Variants in CNTN6 observed in about 807,000 individuals in gnomAD.
The protein encoded by CNTN6 is contactin 6.
A neutral mutation model predicts 122.8 loss-of-function variants in CNTN6; 137 were observed. The ratio of observed to expected loss-of-function variants is 1.12; its 90% confidence interval spans 0.97 to 1.29. The LOEUF is 1.29. Among genes scored for constraint, CNTN6 ranks in the 50% most tolerant of loss-of-function variants. The pLI is 0.00. For missense variants in CNTN6, 1,634 were observed against 1,223.4 expected, an observed-to-expected ratio of 1.34 and a Z score of -5.01; for synonymous variants, 570 against 426.0, an observed-to-expected ratio of 1.34 and a Z score of -4.16.
chr3:1,246,350 T>C (rs999875719), intron 4 of CNTN6, among the ~76,000 whole-genome samples: 2 of 152,188 alleles, frequency 1.3e-5, no homozygotes, highest in African/African-American at 4.8e-5. Flanking sequence ...GTTTCTGAGA[T>C]CCTTTTATAT....
rs937673021 is a variant in CNTN6, at chr3:1,201,273, C to T, written c.56-19414C>T. The stretch of plus-strand genomic sequence containing the variant: ...CAGGAGTAAGCCGCCATGCTCAGCC[C>T]CTATTCTCTTTCTAAAAGAATCCAT... On this transcript the variant is annotated intron_variant, in intron 2 of 22. Coordinates refer to ENST00000446702, the MANE Select transcript of CNTN6 (RefSeq NM_001289080.2). Among the ~76,000 whole-genome samples the T allele has an allele frequency of 9.9e-5, 15 of 152,132 alleles. 1 individual carries two copies. The highest frequency in any genetic ancestry group is 2.1e-4 in the Non-Finnish European group (14 of 67,998).
At chr3:1,380,716 A>G (rs890384841) in intron 17 of CNTN6, among the ~76,000 whole-genome samples, 3 of 152,196 alleles carry the variant, frequency 2.0e-5, no homozygotes, top group African/African-American at 7.2e-5. Context: ...TTACAAACAT[A>G]TAGGTGTGGG....
intron 1 of CNTN6, among the ~76,000 whole-genome samples, chr3:1,114,593 T>C (rs1194763965): frequency 6.6e-6 from 1 of 152,140 alleles, no homozygotes; most frequent in Non-Finnish European, 1.5e-5. Context: ...AAGATCATGA[T>C]AAATGTAATA....
chr3:1,200,690 A>G, intron 2 of CNTN6, among the ~76,000 whole-genome samples: 1 of 152,154 alleles, frequency 6.6e-6, no homozygotes, highest in Non-Finnish European at 1.5e-5. Context: ...AAATGTGATC[A>G]CAGCCTTAAG....
intron 12 of CNTN6, among the ~76,000 whole-genome samples, chr3:1,371,431 T>C (rs1427503455): frequency 6.6e-6 from 1 of 152,130 alleles, no homozygotes; most frequent in Non-Finnish European, 1.5e-5. Flanking sequence ...ATGGTACATA[T>C]CTAAATCCAA....
intron 20 of CNTN6, among the ~76,000 whole-genome samples, chr3:1,399,542 A>T (rs952181928): frequency 2.6e-5 from 4 of 152,088 alleles, no homozygotes; most frequent in Non-Finnish European, 5.9e-5. Context: ...TGTCCATCTT[A>T]TAAATAGGTA....
chr3:1,399,323 G>A (rs1375413138), intron 20 of CNTN6, among the ~76,000 whole-genome samples: 2 of 150,776 alleles, frequency 1.3e-5, no homozygotes, highest in African/African-American at 4.8e-5. Flanking sequence ...GGCACTGGAG[G>A]ATAAGTTGAG....
intron 2 of CNTN6, among the ~76,000 whole-genome samples, chr3:1,207,739 T>G (rs1017295326): frequency 6.6e-6 from 1 of 152,108 alleles, no homozygotes; most frequent in Non-Finnish European, 1.5e-5. Context: ...ATTTTCAGGC[T>G]CTAAGATGGT....
chr3:1,116,929 T>A (rs1574906311), intron 1 of CNTN6, among the ~76,000 whole-genome samples: 1 of 152,088 alleles, frequency 6.6e-6, no homozygotes, highest in Non-Finnish European at 1.5e-5. Flanking sequence ...GGTCTTGAAC[T>A]CCTGACCTCA....
At chr3:1,295,310 G>A (rs995967967) in intron 5 of CNTN6, among the ~76,000 whole-genome samples, 1 of 152,068 alleles carries the variant, frequency 6.6e-6, no homozygotes, top group Non-Finnish European at 1.5e-5. Context: ...ACGTCTTATG[G>A]TATTTCTTAA....
intron 2 of CNTN6, among the ~76,000 whole-genome samples, chr3:1,197,558 C>A (rs141075465): frequency 6.6e-6 from 1 of 152,134 alleles, no homozygotes; most frequent in Non-Finnish European, 1.5e-5. Flanking sequence ...AGGAAAGCAG[C>A]ATCTACAACA....
At chr3:1,322,493 T>G (rs1700993533) in intron 8 of CNTN6, among the ~76,000 whole-genome samples, 1 of 151,784 alleles carries the variant, frequency 6.6e-6, no homozygotes, top group Non-Finnish European at 1.5e-5. Flanking sequence ...TGCTGTATAC[T>G]ATTAAAAGAT....
At chr3:1,315,752 T>A (rs539586830) in intron 7 of CNTN6, among the ~76,000 whole-genome samples, 1 of 152,034 alleles carries the variant, frequency 6.6e-6, no homozygotes, top group South Asian at 2.1e-4. Context: ...CACATCCATG[T>A]CTCACCTGAA....
intron 1 of CNTN6, among the ~76,000 whole-genome samples, chr3:1,107,993 A>G (rs1484049478): frequency 6.6e-6 from 1 of 152,102 alleles, no homozygotes; most frequent in African/African-American, 2.4e-5. Flanking sequence ...AAATATAATT[A>G]TAATTAAGGC....
chr3:1,391,565 C>A (rs1378192299), intron 20 of CNTN6, among the ~76,000 whole-genome samples: 4 of 144,192 alleles, frequency 2.8e-5, no homozygotes, highest in African/African-American at 1.1e-4. Flanking sequence ...GGCAATTAGG[C>A]AGGAGAAGGA....
At position 1,161,359 on chromosome 3, in the gene CNTN6, A is replaced by G. The variant is rs962195941; in HGVS notation, c.55+13296A>G. Reference sequence around the variant, plus strand: ...ATTGTCAGGTCATGGTTGAACTGCAACTGAAGCTTAGCTAGAGACATAAAT... The same window carrying G: ...ATTGTCAGGTCATGGTTGAACTGCAGCTGAAGCTTAGCTAGAGACATAAAT... On this transcript the variant is annotated intron_variant, in intron 2 of 22. Coordinates refer to ENST00000446702, the MANE Select transcript of CNTN6 (RefSeq NM_001289080.2). 2.7e-5 allele frequency among the ~76,000 whole-genome samples: 4 copies of G among 150,940 alleles called. No individual in the cohort carries two copies. The Admixed American group carries it at 2.7e-4, about 10-fold the overall frequency.
chr3:1,236,320 TCA>T (rs2094421451), intron 4 of CNTN6, among the ~76,000 whole-genome samples: 1 of 151,984 alleles, frequency 6.6e-6, no homozygotes, highest in Non-Finnish European at 1.5e-5. Flanking sequence ...CCAAGGACCC[TCA>T]CAGAGTTCAC....
At chr3:1,284,999 C>T (rs1332611163) in intron 5 of CNTN6, among the ~76,000 whole-genome samples, 2 of 152,136 alleles carry the variant, frequency 1.3e-5, no homozygotes, top group Non-Finnish European at 2.9e-5. Flanking sequence ...TGAAAATTCA[C>T]TGGTTTATAT....
intron 4 of CNTN6, among the ~76,000 whole-genome samples, chr3:1,243,037 C>G (rs370581354): frequency 0.078 from 11,418 of 146,860 alleles, 505 homozygotes; most frequent in East Asian, 0.15. Context: ...TGATGGTCTA[C>G]GGGGCTTCCA....
Sources: gnomAD v4.1 joint callset for allele counts (sites outside exome capture counted in the v4.1 genomes callset) on GRCh38, gnomAD v4.1.1 for gene constraint, MANE v1.5 for transcripts, NCBI Gene and HGNC (gene_info 2026-07-23, HGNC 2026-07-21) for gene names.